The following KCNV2 variants were observed in gnomAD, a reference collection of about 807,000 sequenced individuals.
KCNV2 encodes potassium voltage-gated channel modifier subfamily V member 2, also known as potassium voltage-gated channel subfamily V member 2.
Under a neutral mutation model 37.0 loss-of-function variants are expected in KCNV2, and 65 were observed. The observed-to-expected ratio is 1.76, with a 90% CI of 1.44 to 2.16. The LOEUF (loss-of-function observed/expected upper bound fraction) is 2.16. Ranked by LOEUF, KCNV2 falls within the 30% of genes most tolerant of loss-of-function variation. KCNV2 has a pLI of 0.00. For synonymous variants in KCNV2, 518 were observed against 328.6 expected (o/e 1.58, Z -6.23); for missense variants, 1,232 against 766.7 (o/e 1.61, Z -7.17).
At chr9:2,720,296 AATT>A (rs1490913900) in intron 1 of KCNV2, among the ~76,000 whole-genome samples, 1 of 152,182 alleles carries the variant, frequency 6.6e-6, no homozygotes, top group Non-Finnish European at 1.5e-5. Flanking sequence ...GACCCTGAAT[AATT>A]AACTGTGAAA....
At chr9:2,728,019 G>A (rs1819995204) in intron 1 of KCNV2, among the ~76,000 whole-genome samples, 1 of 152,156 alleles carries the variant, frequency 6.6e-6, no homozygotes, top group Admixed American at 6.5e-5. Context: ...GACAGGAGGT[G>A]CATCATCAGC....
chr9:2,720,139 A>G (rs538517077), intron 1 of KCNV2, among the ~76,000 whole-genome samples: 2 of 152,374 alleles, frequency 1.3e-5, no homozygotes, highest in African/African-American at 2.4e-5. Flanking sequence ...CAGAAAGTAG[A>G]TATTTTCAAC....
In KCNV2 at chr9:2,729,686, C is replaced by G. The variant is rs12352254; in HGVS notation, c.1597C>G (p.Leu533Val). The change falls in exon 2 of 2, where the codon CTT (leucine) becomes GTT (valine). Residue 533 changes from leucine (L) to valine (V), a missense_variant. Coordinates refer to ENST00000382082, the MANE Select transcript of KCNV2 (RefSeq NM_133497.4). ...CAGAAAGAAGATAGCTGAGTGTTTG[C>G]TTGGAAGCAACCCACAGCTCACCCC... is the stretch of plus-strand genomic sequence containing the variant. ...RARKKIAECL[L>V]GSNPQLTPRQ... 0.086 allele frequency: 138,407 copies of G among 1,613,502 alleles called. 9,048 individuals carry two copies. The highest frequency in any genetic ancestry group is 0.34 in the African/African-American group (25,291 of 74,896).
In KCNV2 at chr9:2,719,051, AG is replaced by A; in HGVS notation, c.1313del (p.Ser438ThrfsTer16). ...AVYSVEHDVP[S>X]TNFTTIPHSW... ...CTACTCTGTGGAGCACGATGTGCCC[AG>A]CACCAACTTCACTACCATCCCCCAC... On this transcript the variant is annotated frameshift_variant, in exon 1 of 2. Transcript: ENST00000382082. LOFTEE classifies it high-confidence loss of function. 6.2e-7 allele frequency: 1 copy of A among 1,612,548 alleles called. No homozygotes were observed. Among genetic ancestry groups the A allele is most frequent in the Non-Finnish European group, 8.5e-7 (1 of 1,180,034 alleles).
At position 2,717,850 on chromosome 9, in the gene KCNV2, C is replaced by T. The variant is rs746544429; in HGVS notation, c.111C>T (p.Ser37=). Residue 37 remains serine, a synonymous_variant, in exon 1 of 2, where the codon TCC becomes TCT. Transcript: ENST00000382082. Reference sequence around the variant, plus strand: ...GCATTTGCTCCCTGGGTGCCCGTTCCGGCTCCCAGGCCAGCATCCACGGCT... The same window carrying T: ...GCATTTGCTCCCTGGGTGCCCGTTCTGGCTCCCAGGCCAGCATCCACGGCT... ...RRSICSLGAR[S]GSQASIHGWT... 6 of 1,614,210 alleles carry T rather than the reference C, an allele frequency of 3.7e-6. No homozygotes were observed. The East Asian group carries it at 6.7e-5, about 18-fold the overall frequency.
Position 2,729,480 on chromosome 9 carries a change from A to G in KCNV2, c.1391A>G (p.Tyr464Cys), listed in dbSNP as rs778822772. 1.2e-6 allele frequency: 2 copies of G among 1,613,948 alleles called. No homozygotes were observed. The highest frequency in any genetic ancestry group is 3.3e-5 in the Admixed American group (2 of 60,020). Residue 464 changes from tyrosine to cysteine, a missense_variant, in exon 2 of 2, where the codon TAC becomes TGC. Coordinates refer to ENST00000382082, the MANE Select transcript of KCNV2 (RefSeq NM_133497.4). The part of the protein sequence containing the change: ...SISTVGYGDM[Y>C]PETHLGRFFA... ...TCCACCGTGGGCTACGGAGACATGTACCCAGAGACCCACCTGGGCAGGTTT... is the reference window on the plus strand; with the variant it reads ...TCCACCGTGGGCTACGGAGACATGTGCCCAGAGACCCACCTGGGCAGGTTT...
intron 1 of KCNV2, among the ~76,000 whole-genome samples, chr9:2,719,357 G>C (rs562380118): frequency 2.0e-5 from 3 of 152,230 alleles, no homozygotes; most frequent in East Asian, 3.9e-4. Context: ...TTAAAAGACA[G>C]GTTTTAAAGA....
At chr9:2,727,955 T>C (rs73388760) in intron 1 of KCNV2, among the ~76,000 whole-genome samples, 1,990 of 152,236 alleles carry the variant, frequency 0.013, 41 homozygotes, top group African/African-American at 0.045. Flanking sequence ...TGCTTGTATT[T>C]TGACTCTGCA....
intron 1 of KCNV2, among the ~76,000 whole-genome samples, chr9:2,722,380 TATAA>T (rs1235329022): frequency 4.3e-5 from 6 of 139,462 alleles, no homozygotes; most frequent in African/African-American, 1.1e-4. Context: ...AGAAGTTATT[TATAA>T]ATAAATTAGA....
rs754107665 is a variant in KCNV2 at position 2,718,559 on chromosome 9, G to A, written c.820G>A (p.Val274Met). The A allele has an allele frequency of 7.4e-5, 120 of 1,612,318 alleles. No homozygotes were observed. The highest frequency in any genetic ancestry group is 8.9e-5 in the Non-Finnish European group (105 of 1,179,638). ...CTCCAGCACCTTCGTGCTCGTCTCC[G>A]TGGTGGCGCTGGCGCTCAACACCGT... Reference protein sequence around the residue: ...VASSTFVLVSVVALALNTVEE... With the variant: ...VASSTFVLVSMVALALNTVEE... Residue 274 changes from valine to methionine, a missense_variant, in exon 1 of 2, where the codon GTG becomes ATG. By Grantham distance (21) the Val-to-Met change is conservative (BLOSUM62 1). Transcript: ENST00000382082.
At chr9:2,723,241 G>C (rs1025292554) in intron 1 of KCNV2, among the ~76,000 whole-genome samples, 2 of 152,064 alleles carry the variant, frequency 1.3e-5, no homozygotes, top group African/African-American at 4.8e-5. Context: ...TCACCATTCT[G>C]GGGCTGTATC....
chr9:2,727,630 G>A (rs1819990354), intron 1 of KCNV2, among the ~76,000 whole-genome samples: 1 of 152,154 alleles, frequency 6.6e-6, no homozygotes, highest in African/African-American at 2.4e-5. Context: ...AGTTGCTGGT[G>A]TAGAATGCAC....
rs943990673 is a variant in KCNV2, at chr9:2,717,834, C to A, written c.95C>A (p.Ser32Tyr). The change falls in exon 1 of 2, where the codon TCC becomes TAC. Residue 32 changes from serine (S) to tyrosine (Y), a missense_variant. Coordinates refer to ENST00000382082, the MANE Select transcript of KCNV2 (RefSeq NM_133497.4). ...EGSQHRRSIC[S>Y]LGARSGSQAS... is the part of the protein sequence containing the mutation. ...AGCCAACACCGCAGGAGCATTTGCT[C>A]CCTGGGTGCCCGTTCCGGCTCCCAG... is the stretch of plus-strand genomic sequence containing the variant. 3 of 1,614,216 alleles carry A rather than the reference C, an allele frequency of 1.9e-6. No individual in the cohort carries two copies. Among genetic ancestry groups the A allele is most frequent in the South Asian group, 2.2e-5 (2 of 91,084 alleles).
intron 1 of KCNV2, among the ~76,000 whole-genome samples, chr9:2,719,478 T>G (rs1819822671): frequency 6.6e-6 from 1 of 152,056 alleles, no homozygotes; most frequent in African/African-American, 2.4e-5. Flanking sequence ...CACCATTTTT[T>G]TTTAAGGGGA....
In KCNV2 at chr9:2,717,922, CGAG is replaced by C. The variant is rs774310851; in HGVS notation, c.192_194del (p.Glu64del). On this transcript the variant is annotated inframe_deletion, in exon 1 of 2. Transcript: ENST00000382082. ...ACTACATCGAGGAAGACGAAGACGG[CGAG>C]GAGGAGGACCAGTGGAAGGACGACC... 13 of 1,613,784 alleles carry C rather than the reference CGAG, an allele frequency of 8.1e-6. No individual in the cohort carries two copies. Among genetic ancestry groups the C allele is most frequent in the South Asian group, 1.1e-5 (1 of 91,074 alleles).
Position 2,717,884 on chromosome 9 carries a change from G to C in KCNV2, c.145G>C (p.Gly49Arg), listed in dbSNP as rs777604507. 2.5e-6 allele frequency: 4 copies of C among 1,614,208 alleles called. No homozygotes were observed. In the South Asian group the frequency reaches 3.3e-5, roughly 13 times the overall value. Residue 49 changes from glycine to arginine, a missense_variant, in exon 1 of 2, where the codon GGC becomes CGC. Coordinates refer to ENST00000382082, the MANE Select transcript of KCNV2 (RefSeq NM_133497.4). ...GGCCAGCATCCACGGCTGGACAGAG[G>C]GCAACTATAACTACTACATCGAGGA... is the stretch of plus-strand genomic sequence containing the variant. Reference protein sequence around the residue: ...SQASIHGWTEGNYNYYIEEDE... With the variant: ...SQASIHGWTERNYNYYIEEDE...
Position 2,729,591 on chromosome 9 carries a change from G to C in KCNV2, c.1502G>C (p.Ser501Thr). 6.2e-7 allele frequency: 1 copy of C among 1,614,072 alleles called. No homozygotes were observed. The highest frequency in any genetic ancestry group is 8.5e-7 in the Non-Finnish European group (1 of 1,180,004). ...TACAACAAGTTTTCTGATTACTACAGCAAGCTGAAGGCTTATGAGTATACC... is the reference window on the plus strand; with the variant it reads ...TACAACAAGTTTTCTGATTACTACACCAAGCTGAAGGCTTATGAGTATACC... ...ILYNKFSDYY[S>T]KLKAYEYTTI... Residue 501 changes from serine to threonine, a missense_variant, in exon 2 of 2, where the codon AGC (serine) becomes ACC (threonine). Ser to Thr is a moderately conservative substitution (Grantham distance 58). Coordinates refer to ENST00000382082, the MANE Select transcript of KCNV2 (RefSeq NM_133497.4).
rs750252032 is a variant in KCNV2 at position 2,729,553 on chromosome 9, C to T, written c.1464C>T (p.Pro488=). 1 of 1,614,066 alleles carries T rather than the reference C, an allele frequency of 6.2e-7. No individual in the cohort carries two copies. The highest frequency in any genetic ancestry group is 1.1e-5 in the South Asian group (1 of 91,070). Residue 488 remains proline, a synonymous_variant, in exon 2 of 2, where the codon CCC becomes CCT. Coordinates refer to ENST00000382082, the MANE Select transcript of KCNV2 (RefSeq NM_133497.4). ...IAFGIILNGM[P]ISILYNKFSD... ...TTGGGATCATTCTCAACGGGATGCCCATTTCCATCCTCTACAACAAGTTTT... is the reference window on the plus strand; with the variant it reads ...TTGGGATCATTCTCAACGGGATGCCTATTTCCATCCTCTACAACAAGTTTT...
In KCNV2 at chr9:2,717,962, G is replaced by A. The variant is rs1487809111; in HGVS notation, c.223G>A (p.Asp75Asn). The part of the protein sequence containing the change: ...DQWKDDLAEE[D>N]QQAGEVTTAK... ...GTGGAAGGACGACCTGGCAGAAGAG[G>A]ACCAGCAGGCAGGGGAGGTCACCAC... is the stretch of plus-strand genomic sequence containing the variant. The change falls in exon 1 of 2, where the codon GAC becomes AAC. Residue 75 changes from aspartate (D) to asparagine (N), a missense_variant. By Grantham distance (23) the Asp-to-Asn change is conservative (BLOSUM62 1). Coordinates refer to ENST00000382082, the MANE Select transcript of KCNV2 (RefSeq NM_133497.4). The A allele has an allele frequency of 1.2e-6, 2 of 1,614,154 alleles. No homozygotes were observed. The highest frequency in any genetic ancestry group is 2.2e-5 in the South Asian group (2 of 91,074).
Sources: allele counts gnomAD v4.1 joint callset (sites outside exome capture counted in the v4.1 genomes callset), GRCh38; gene constraint gnomAD v4.1.1; transcripts MANE v1.5; gene names NCBI Gene and HGNC (gene_info 2026-07-23, HGNC 2026-07-21).